Variants in NRXN1 observed in about 807,000 individuals in gnomAD.
NRXN1 encodes neurexin 1.
A neutral mutation model predicts 150.9 loss-of-function variants in NRXN1; 39 were observed. That is an observed-to-expected ratio of 0.26 (90% CI 0.20 to 0.34). The LOEUF (loss-of-function observed/expected upper bound fraction) is 0.34, where lower values mean the gene tolerates loss of function less well. NRXN1 is among the 10% of genes least tolerant of loss of function. The pLI, the probability that NRXN1 is intolerant of heterozygous loss-of-function variation, is 1.00. For missense variants in NRXN1, 1,815 were observed against 1,949.9 expected (o/e 0.93, Z 1.30); for synonymous variants, 924 against 757.0 (o/e 1.22, Z -3.62).
chr2:49,967,113 C>T (rs906122198), intron 21 of NRXN1, among the ~76,000 whole-genome samples: 1 of 151,900 alleles, frequency 6.6e-6, no homozygotes, highest in Non-Finnish European at 1.5e-5. Context: ...ATCTATGACA[C>T]AAAAACTGTA....
intron 5 of NRXN1, among the ~76,000 whole-genome samples, chr2:50,829,278 A>G (rs973930476): frequency 6.6e-6 from 1 of 150,988 alleles, no homozygotes; most frequent in African/African-American, 2.4e-5. Flanking sequence ...GGAGAGGGAG[A>G]GGGAGAGGGA....
chr2:50,728,865 T>C (rs970052343), intron 5 of NRXN1, among the ~76,000 whole-genome samples: 13 of 152,208 alleles, frequency 8.5e-5, no homozygotes, highest in Admixed American at 4.6e-4. Context: ...ATAGAGCTAG[T>C]GTATTTACCA....
intron 8 of NRXN1, among the ~76,000 whole-genome samples, chr2:50,609,599 C>G (rs1035662431): frequency 6.6e-6 from 1 of 152,096 alleles, no homozygotes; most frequent in Non-Finnish European, 1.5e-5. Flanking sequence ...TCAGGTGATA[C>G]AACTACCAAG....
intron 8 of NRXN1, among the ~76,000 whole-genome samples, chr2:50,585,773 G>C (rs561111311): frequency 6.6e-6 from 1 of 152,258 alleles, no homozygotes; most frequent in East Asian, 1.9e-4. Context: ...CCTCAGTCAA[G>C]AAGAGCAGTG....
chr2:50,707,443 T>C lies in NRXN1; in HGVS notation c.833-83828A>G, dbSNP rs568809196. 1.4e-3 allele frequency among the ~76,000 whole-genome samples: 217 copies of C among 152,316 alleles called. 1 individual carries two copies. The highest frequency in any genetic ancestry group is 5.1e-3 in the African/African-American group (211 of 41,570). ...GTTATGTTCAGCTGCAGTAGATTCCTTTCAGGCAGTTCTGATACCCATTTC... is the reference window on the plus strand; with the variant it reads ...GTTATGTTCAGCTGCAGTAGATTCCCTTCAGGCAGTTCTGATACCCATTTC... On this transcript the variant is annotated intron_variant, in intron 5 of 22. Transcript: ENST00000401669.
chr2:50,581,719 T>A (rs1453642512), intron 8 of NRXN1, among the ~76,000 whole-genome samples: 1 of 152,138 alleles, frequency 6.6e-6, no homozygotes, highest in Non-Finnish European at 1.5e-5. Flanking sequence ...TTTGAGAGTG[T>A]CAAGGACAGA....
chr2:50,372,068 G>T (rs1444064537), intron 17 of NRXN1, among the ~76,000 whole-genome samples: 1 of 152,012 alleles, frequency 6.6e-6, no homozygotes, highest in Non-Finnish European at 1.5e-5. Context: ...TTACTCCAAT[G>T]TCTTTCATAC....
Position 50,937,645 on chromosome 2 carries a change from T to C in NRXN1, c.773-11690A>G, listed in dbSNP as rs1212212425. On this transcript the variant is annotated intron_variant, in intron 2 of 22. Transcript: ENST00000401669. ...CATCGATTGTTGTTTATGAAGTAGA[T>C]GATGATGATGATGAAGATGATGACA... 2.0e-5 allele frequency among the ~76,000 whole-genome samples: 3 copies of C among 152,050 alleles called. No individual in the cohort carries two copies. The East Asian group carries it at 5.8e-4, about 29-fold the overall frequency.
intron 16 of NRXN1, among the ~76,000 whole-genome samples, chr2:50,471,263 C>G (rs527783729): frequency 6.6e-6 from 1 of 151,600 alleles, no homozygotes; most frequent in African/African-American, 2.4e-5. Flanking sequence ...TCCCACGATT[C>G]CAGCTTGTGA....
chr2:50,368,499 C>A (rs1022726019), intron 17 of NRXN1, among the ~76,000 whole-genome samples: 18 of 151,874 alleles, frequency 1.2e-4, no homozygotes, highest in Non-Finnish European at 2.5e-4. Flanking sequence ...ATTCTAGTAT[C>A]CAGATCATGA....
At chr2:50,086,310 AG>A (rs1351968420) in intron 19 of NRXN1, among the ~76,000 whole-genome samples, 1 of 152,196 alleles carries the variant, frequency 6.6e-6, no homozygotes, top group Non-Finnish European at 1.5e-5. Context: ...GCTACACTAA[AG>A]GTTTGGAATT....
At chr2:50,007,720 T>G (rs1685001319) in intron 21 of NRXN1, among the ~76,000 whole-genome samples, 1 of 151,732 alleles carries the variant, frequency 6.6e-6, no homozygotes, top group Admixed American at 6.6e-5. Flanking sequence ...TATAGTAGAA[T>G]GATTTATAAT....
At chr2:50,034,820 C>T (rs1055100109) in intron 21 of NRXN1, among the ~76,000 whole-genome samples, 3 of 151,882 alleles carry the variant, frequency 2.0e-5, no homozygotes, top group African/African-American at 2.4e-5. Flanking sequence ...AATGTATTTT[C>T]TATGTTGACT....
rs181706543 is a variant in NRXN1 at position 50,875,600 on chromosome 2, A to T, written c.832+46269T>A. ...TCTACCTCATGCCTAACCAATTACA[A>T]TAGGCCTTAAAAGCTAAGCTCCTCA... On this transcript the variant is annotated intron_variant, in intron 5 of 22. Transcript: ENST00000401669. Among the ~76,000 whole-genome samples, 283 of 151,834 alleles carry T rather than the reference A, an allele frequency of 1.9e-3. 1 individual carries two copies. The highest frequency in any genetic ancestry group is 6.2e-3 in the African/African-American group (259 of 41,478).
chr2:50,246,894 G>A (rs775838982), intron 17 of NRXN1, among the ~76,000 whole-genome samples: 2 of 151,830 alleles, frequency 1.3e-5, no homozygotes, highest in Admixed American at 6.6e-5. Context: ...CTGAAGAAAG[G>A]GATCTTGCTT....
At chr2:50,279,942 T>C (rs1415934493) in intron 17 of NRXN1, among the ~76,000 whole-genome samples, 1 of 152,154 alleles carries the variant, frequency 6.6e-6, no homozygotes, top group Non-Finnish European at 1.5e-5. Context: ...GAAATTGTAG[T>C]TCAGGTTTCC....
intron 5 of NRXN1, among the ~76,000 whole-genome samples, chr2:50,811,277 CTCAGTTAT>C (rs1229798891): frequency 6.6e-6 from 1 of 152,116 alleles, no homozygotes; most frequent in Non-Finnish European, 1.5e-5. Flanking sequence ...CTCACCATCT[CTCAGTTAT>C]TCACACACTT....
chr2:50,132,472 A>G (rs1282428055), intron 18 of NRXN1, among the ~76,000 whole-genome samples: 1 of 151,778 alleles, frequency 6.6e-6, no homozygotes, highest in Non-Finnish European at 1.5e-5. Flanking sequence ...CACCTGGCTA[A>G]TTTTTTATAT....
chr2:50,927,196 G>A (rs964561518), intron 2 of NRXN1, among the ~76,000 whole-genome samples: 51 of 151,948 alleles, frequency 3.4e-4, no homozygotes, highest in African/African-American at 1.2e-3. Flanking sequence ...AACTAAGAAT[G>A]TACCATTTGA....
Sources: allele counts gnomAD v4.1 joint callset (sites outside exome capture counted in the v4.1 genomes callset), GRCh38; gene constraint gnomAD v4.1.1; transcripts MANE v1.5; gene names NCBI Gene and HGNC (gene_info 2026-07-23, HGNC 2026-07-21).